The following GGNBP2 variants were observed in gnomAD, a reference collection of about 807,000 sequenced individuals.
GGNBP2 encodes gametogenetin-binding protein 2.
A neutral mutation model predicts 85.9 loss-of-function variants in GGNBP2; 10 were observed. The observed-to-expected ratio is 0.12, with a 90% CI of 0.07 to 0.20. The LOEUF is 0.20. Ranked by LOEUF, GGNBP2 falls within the 10% of genes least tolerant of loss-of-function variation. The pLI, the probability that GGNBP2 is intolerant of heterozygous loss-of-function variation, is 1.00. For synonymous variants in GGNBP2, 287 were observed against 285.7 expected, an observed-to-expected ratio of 1.00 and a Z score of -0.05; for missense variants, 595 against 857.8, an observed-to-expected ratio of 0.69 and a Z score of 3.83.
intron 2 of GGNBP2, among the ~76,000 whole-genome samples, chr17:36,550,056 A>G (rs937894402): frequency 2.0e-5 from 3 of 151,750 alleles, no homozygotes; most frequent in Non-Finnish European, 4.4e-5. Flanking sequence ...TTGGGCCTCA[A>G]CCTCCTGAGT....
chr17:36,561,607 C>A (rs1240439571), intron 5 of GGNBP2, among the ~76,000 whole-genome samples: 1 of 151,880 alleles, frequency 6.6e-6, no homozygotes, highest in Non-Finnish European at 1.5e-5. Context: ...ATTTATGTAA[C>A]TAATTTGTAG....
intron 6 of GGNBP2, among the ~76,000 whole-genome samples, chr17:36,575,648 A>ATATTTTTTT (rs374366757): frequency 5.5e-5 from 3 of 54,914 alleles, no homozygotes; most frequent in African/African-American, 1.1e-4. Context: ...ATATATATAT[A>ATATTTTTTT]TTTTTTTTTT....
chr17:36,572,022 GC>G (rs1437479559), intron 6 of GGNBP2, among the ~76,000 whole-genome samples: 2 of 151,882 alleles, frequency 1.3e-5, no homozygotes, highest in Non-Finnish European at 2.9e-5. Flanking sequence ...CTGCACTTCA[GC>G]CTGGGTGACA....
chr17:36,567,601 GTTTT>G (rs2074480918), intron 5 of GGNBP2, 58 bp from the exon 6 acceptor site: 2 of 825,772 alleles, frequency 2.4e-6, no homozygotes, highest in Admixed American at 4.7e-5. Flanking sequence ...TCTGTTTTTT[GTTTT>G]TTTAAGGTTT....
At chr17:36,571,824 CAG>C (rs1253424601) in intron 6 of GGNBP2, among the ~76,000 whole-genome samples, 1 of 151,794 alleles carries the variant, frequency 6.6e-6, no homozygotes, top group Non-Finnish European at 1.5e-5. Context: ...GCCTGGGCGA[CAG>C]AGCGAGACTC....
In GGNBP2 at chr17:36,579,294, C is replaced by G; in HGVS notation, c.895C>G (p.Leu299Val). 6.2e-7 allele frequency: 1 copy of G among 1,614,168 alleles called. No homozygotes were observed. Among genetic ancestry groups the G allele is most frequent in the Non-Finnish European group, 8.5e-7 (1 of 1,179,982 alleles). Residue 299 changes from leucine (L) to valine (V), a missense_variant, in exon 8 of 14, where the codon CTG (leucine) becomes GTG (valine). Transcript: ENST00000613102. ...AATAGATATAGCTCAAGAAGAAGTT[C>G]TGACCTGCTTGGGAATTCATCTTTA... ...KTIDIAQEEV[L>V]TCLGIHLYER...
Position 36,587,043 on chromosome 17 carries a change from C to A in GGNBP2, c.1688C>A (p.Thr563Asn). Reference sequence around the variant, plus strand: ...ATTACAGATCCAGGTAATCGAGAGACCTCAGGAAATACCATGCACACAGTG... The same window carrying A: ...ATTACAGATCCAGGTAATCGAGAGAACTCAGGAAATACCATGCACACAGTG... ...SCITDPGNRE[T>N]SGNTMHTVFH... Residue 563 changes from threonine to asparagine, a missense_variant, in exon 13 of 14, where the codon ACC becomes AAC. Coordinates refer to ENST00000613102, the MANE Select transcript of GGNBP2 (RefSeq NM_024835.5). The A allele has an allele frequency of 2.5e-6, 4 of 1,613,516 alleles. No homozygotes were observed. The highest frequency in any genetic ancestry group is 3.4e-6 in the Non-Finnish European group (4 of 1,179,796).
At chr17:36,567,273 T>C (rs1337534107) in intron 5 of GGNBP2, among the ~76,000 whole-genome samples, 1 of 152,192 alleles carries the variant, frequency 6.6e-6, no homozygotes, top group Admixed American at 6.5e-5. Flanking sequence ...TATAAAGATA[T>C]GAGCACACAT....
chr17:36,564,643 C>T (rs1198976491), intron 5 of GGNBP2, among the ~76,000 whole-genome samples: 1 of 152,184 alleles, frequency 6.6e-6, no homozygotes. Context: ...CATAGAATAG[C>T]AGGCTAAGCA....
At position 36,567,795 on chromosome 17, in the gene GGNBP2, C is replaced by A. The variant is rs1281756480; in HGVS notation, c.641+19C>A. The A allele has an allele frequency of 1.5e-6, 2 of 1,344,592 alleles. No homozygotes were observed. Among genetic ancestry groups the A allele is most frequent in the African/African-American group, 1.4e-5 (1 of 69,486 alleles). 83.3% of individuals were successfully genotyped at this position (1,344,592 alleles called of 1,614,324 possible). ...AACACAGGTAAGTCTGATGGTTGTTCCAGTATAATGTGGAAGGTGCCTTAT... is the reference window on the plus strand; with the variant it reads ...AACACAGGTAAGTCTGATGGTTGTTACAGTATAATGTGGAAGGTGCCTTAT... On this transcript the variant is annotated intron_variant, in intron 6 of 13. Coordinates refer to ENST00000613102, the MANE Select transcript of GGNBP2 (RefSeq NM_024835.5).
chr17:36,545,123 G>C (rs962878865), intron 1 of GGNBP2, 26 bp downstream of exon 1: 1 of 152,974 alleles, frequency 6.5e-6, no homozygotes, highest in African/African-American at 2.4e-5. Flanking sequence ...GAGCCTCCCC[G>C]TTCCCTGGAC....
At chr17:36,583,858 A>C (rs1306810968) in intron 9 of GGNBP2, among the ~76,000 whole-genome samples, 2 of 152,212 alleles carry the variant, frequency 1.3e-5, no homozygotes, top group African/African-American at 4.8e-5. Flanking sequence ...ATTCATTGCA[A>C]TATGGAATCT....
At chr17:36,554,695 A>C (rs2074344889) in intron 2 of GGNBP2, 125 bp from the exon 3 acceptor site, 3 of 691,068 alleles carry the variant, frequency 4.3e-6, no homozygotes, top group Admixed American at 2.4e-5. Flanking sequence ...GATTTAACAA[A>C]ATTTTTTGAG....
chr17:36,548,615 CAAAAAAAAAAAAAAAA>C (rs71159614), intron 2 of GGNBP2, among the ~76,000 whole-genome samples: 448 of 23,724 alleles, frequency 0.019, 6 homozygotes, highest in South Asian at 0.039. Flanking sequence ...GACTCTGTCT[CAAAAAAAAAAAAAAAA>C]AAAAAAAAAA....
At position 36,567,782 on chromosome 17, in the gene GGNBP2, T is replaced by G; in HGVS notation, c.641+6T>G. 2 of 1,466,656 alleles carry G rather than the reference T, an allele frequency of 1.4e-6. No homozygotes were observed. Among genetic ancestry groups the G allele is most frequent in the South Asian group, 2.3e-5 (2 of 87,328 alleles). The allele number at this position is 1,466,656 out of a possible 1,614,324, so 90.9% of individuals were successfully genotyped here. A position where few individuals can be genotyped will look rare whatever the true frequency, so the allele number is the denominator to read the frequency against. On this transcript the variant is annotated splice_donor_region_variant and intron_variant, in intron 6 of 13. Transcript: ENST00000613102. ...ACATATCTGCGAAAACACAGGTAAG[T>G]CTGATGGTTGTTCCAGTATAATGTG...
At position 36,579,377 on chromosome 17, in the gene GGNBP2, G is replaced by C. The variant is rs1232972605; in HGVS notation, c.978G>C (p.Met326Ile). 1 of 1,614,110 alleles carries C rather than the reference G, an allele frequency of 6.2e-7. No individual in the cohort carries two copies. Among genetic ancestry groups the C allele is most frequent in the Non-Finnish European group, 8.5e-7 (1 of 1,180,040 alleles). ...KLRAEEQTWQ[M>I]LFYLGVDALR... ...GGGCAGAAGAGCAGACATGGCAGAT[G>C]CTTTTCTATCTTGGTGTTGATGCTT... The change falls in exon 8 of 14, where the codon ATG (methionine) becomes ATC (isoleucine). Residue 326 changes from methionine (M) to isoleucine (I), a missense_variant. Met to Ile is a conservative substitution (Grantham distance 10). Around this residue, in one of 9 missense-constraint regions of GGNBP2, gnomAD observed 92 missense variants for 183.9 expected, o/e 0.50. Coordinates refer to ENST00000613102, the MANE Select transcript of GGNBP2 (RefSeq NM_024835.5).
intron 12 of GGNBP2, 175 bp downstream of exon 12, chr17:36,586,373 A>C: frequency 1.5e-6 from 1 of 673,318 alleles, no homozygotes; most frequent in Non-Finnish European, 2.4e-6. Context: ...GGGCAGAGAG[A>C]GATGTGATCA....
chr17:36,582,652 G>C (rs1245101682), intron 9 of GGNBP2, among the ~76,000 whole-genome samples: 2 of 152,130 alleles, frequency 1.3e-5, no homozygotes, highest in Non-Finnish European at 2.9e-5. Flanking sequence ...ACTGTAGTCT[G>C]TATAAGCCAG....
At chr17:36,574,991 C>G in intron 6 of GGNBP2, 3 of 1,529,446 alleles carry the variant, frequency 2.0e-6, no homozygotes, top group Admixed American at 1.9e-5. Flanking sequence ...CTGGCCGGCA[C>G]GGGTCTGCTT....
Sources: allele counts gnomAD v4.1 joint callset (sites outside exome capture counted in the v4.1 genomes callset), GRCh38; gene constraint gnomAD v4.1.1; regional missense constraint gnomAD v4.1.1; transcripts MANE v1.5; gene names NCBI Gene and HGNC (gene_info 2026-07-23, HGNC 2026-07-21).